The following PRDM5 variants were observed in gnomAD, a reference collection of about 807,000 sequenced individuals.
The protein encoded by PRDM5 is PR domain zinc finger protein 5.
In PRDM5, 56 loss-of-function variants were observed where a neutral mutation model predicts 81.2. The ratio of observed to expected loss-of-function variants is 0.69; its 90% confidence interval spans 0.56 to 0.86. The LOEUF is 0.86. Among genes scored for constraint, PRDM5 ranks in the 40% least tolerant of loss-of-function variants. The pLI is 0.00. For missense variants in PRDM5, 697 were observed against 770.1 expected, an observed-to-expected ratio of 0.91 and a Z score of 1.12; for synonymous variants, 267 against 256.4, an observed-to-expected ratio of 1.04 and a Z score of -0.39.
intron 14 of PRDM5, 98 bp from the exon 15 acceptor site, chr4:120,710,511 G>C (rs1736809293): frequency 3.1e-6 from 3 of 964,012 alleles, no homozygotes; most frequent in Non-Finnish European, 4.9e-6. Context: ...ACAGAATACT[G>C]CAGCAAATTT....
intron 14 of PRDM5, among the ~76,000 whole-genome samples, chr4:120,753,846 T>A (rs1445717067): frequency 6.6e-6 from 1 of 152,184 alleles, no homozygotes; most frequent in East Asian, 1.9e-4. Context: ...AAAATTTCCA[T>A]GTGGAAAGTT....
intron 2 of PRDM5, among the ~76,000 whole-genome samples, chr4:120,856,774 A>G (rs1759926286): frequency 6.6e-6 from 1 of 152,216 alleles, no homozygotes; most frequent in Non-Finnish European, 1.5e-5. Context: ...AAGGAATAAA[A>G]AAGACTGAAA....
At position 120,922,639 on chromosome 4, in the gene PRDM5, C is replaced by T; in HGVS notation, c.-31G>A. The T allele has an allele frequency of 6.3e-7, 1 of 1,583,046 alleles. No individual in the cohort carries two copies. Among genetic ancestry groups the T allele is most frequent in the African/African-American group, 1.3e-5 (1 of 74,374 alleles). ...CGGGCGCGGCGGCCGCCGCCTCTCTCAACACCGGCGCTTAGCGCCCGGCAG... is the reference window on the plus strand; with the variant it reads ...CGGGCGCGGCGGCCGCCGCCTCTCTTAACACCGGCGCTTAGCGCCCGGCAG... On this transcript the variant is annotated 5_prime_UTR_variant, in exon 1 of 16. The change abolishes the stop of an existing upstream ORF in the 5' untranslated region. Transcript: ENST00000264808.
intron 3 of PRDM5, among the ~76,000 whole-genome samples, chr4:120,834,357 A>C (rs1757096831): frequency 6.6e-6 from 1 of 152,102 alleles, no homozygotes; most frequent in African/African-American, 2.4e-5. Context: ...GTGCCCTTAT[A>C]AAATGGGCCC....
At chr4:120,895,805 T>A (rs1764551403) in intron 2 of PRDM5, 1 of 152,138 alleles carries the variant, frequency 6.6e-6, no homozygotes, top group South Asian at 2.1e-4. Flanking sequence ...ACCTCATGAG[T>A]AGCTAGGACA....
chr4:120,849,888 T>G (rs1346137627), intron 3 of PRDM5, among the ~76,000 whole-genome samples: 1 of 152,174 alleles, frequency 6.6e-6, no homozygotes, highest in Admixed American at 6.6e-5. Flanking sequence ...TTTAGAATTT[T>G]CTAGCCATAG....
chr4:120,733,382 T>C (rs1312545232), intron 14 of PRDM5, among the ~76,000 whole-genome samples: 1 of 152,116 alleles, frequency 6.6e-6, no homozygotes, highest in Non-Finnish European at 1.5e-5. Context: ...TACAGTGGGC[T>C]TCTCACCCAC....
At chr4:120,909,483 T>C (rs1310095472) in intron 1 of PRDM5, among the ~76,000 whole-genome samples, 1 of 152,176 alleles carries the variant, frequency 6.6e-6, no homozygotes, top group Non-Finnish European at 1.5e-5. Flanking sequence ...ATGAATGTGG[T>C]TCCATTTTCG....
intron 14 of PRDM5, among the ~76,000 whole-genome samples, chr4:120,736,274 GA>G (rs1398335249): frequency 2.7e-5 from 4 of 149,842 alleles, no homozygotes; most frequent in African/African-American, 9.9e-5. Context: ...TCTGTTGATG[GA>G]TACTCAGGTT....
chr4:120,715,960 G>T (rs183343416), intron 14 of PRDM5, among the ~76,000 whole-genome samples: 25 of 152,290 alleles, frequency 1.6e-4, no homozygotes, highest in Admixed American at 1.6e-3. Context: ...GACACTATCT[G>T]GGTGAGTATC....
rs754804925 is a variant in PRDM5 at position 120,907,577 on chromosome 4, T to C, written c.94-20A>G. 12 of 1,570,892 alleles carry C rather than the reference T, an allele frequency of 7.6e-6. No individual in the cohort carries two copies. Among genetic ancestry groups the C allele is most frequent in the African/African-American group, 1.4e-5 (1 of 73,922 alleles). On this transcript the variant is annotated intron_variant, in intron 1 of 15. Coordinates refer to ENST00000264808, the MANE Select transcript of PRDM5 (RefSeq NM_018699.4). ...TTCACCCTGAGTAGCAATGATTATATTGAACAAGGATTAGTACAATAAATC... is the reference window on the plus strand; with the variant it reads ...TTCACCCTGAGTAGCAATGATTATACTGAACAAGGATTAGTACAATAAATC...
chr4:120,735,749 C>T (rs1205171987), intron 14 of PRDM5, among the ~76,000 whole-genome samples: 1 of 152,096 alleles, frequency 6.6e-6, no homozygotes, highest in African/African-American at 2.4e-5. Flanking sequence ...TCTTGAGACA[C>T]TCCCTTATCT....
chr4:120,748,998 C>T (rs1373757363), intron 14 of PRDM5, among the ~76,000 whole-genome samples: 1 of 152,080 alleles, frequency 6.6e-6, no homozygotes, highest in Non-Finnish European at 1.5e-5. Flanking sequence ...GGAAATTAAT[C>T]TAGAATTAAG....
chr4:120,763,537 G>A (rs1034515154), intron 13 of PRDM5, among the ~76,000 whole-genome samples: 1 of 152,102 alleles, frequency 6.6e-6, no homozygotes, highest in Non-Finnish European at 1.5e-5. Flanking sequence ...CACTGGCCAA[G>A]TTTTCAAGGT....
At chr4:120,722,436 C>T (rs1302495531) in intron 14 of PRDM5, among the ~76,000 whole-genome samples, 1 of 151,918 alleles carries the variant, frequency 6.6e-6, no homozygotes, top group Non-Finnish European at 1.5e-5. Context: ...TGGGTGTTGC[C>T]TTCTGCTTGG....
chr4:120,917,235 T>C (rs955190933), intron 1 of PRDM5, among the ~76,000 whole-genome samples: 1 of 152,182 alleles, frequency 6.6e-6, no homozygotes, highest in African/African-American at 2.4e-5. Flanking sequence ...TCCTTTACTG[T>C]AGCTGCCTCT....
At chr4:120,737,370 C>T (rs953606468) in intron 14 of PRDM5, among the ~76,000 whole-genome samples, 27 of 152,134 alleles carry the variant, frequency 1.8e-4, no homozygotes, top group Non-Finnish European at 3.7e-4. Context: ...GAAGCACATG[C>T]AACTGAAGAA....
At position 120,818,533 on chromosome 4, in the gene PRDM5, C is replaced by T. The variant is rs1287850281; in HGVS notation, c.476-6G>A. ...CTCTTTACAGCCAAGGCGATCTGCA[C>T]ATTCACAAGGAAACATATTCATGAG... On this transcript the variant is annotated splice_polypyrimidine_tract_variant and splice_region_variant and intron_variant, in intron 4 of 15. Coordinates refer to ENST00000264808, the MANE Select transcript of PRDM5 (RefSeq NM_018699.4). 1 of 1,610,800 alleles carries T rather than the reference C, an allele frequency of 6.2e-7. No homozygotes were observed. Among genetic ancestry groups the T allele is most frequent in the Non-Finnish European group, 8.5e-7 (1 of 1,177,100 alleles).
At chr4:120,773,637 C>T (rs1056204959) in intron 13 of PRDM5, among the ~76,000 whole-genome samples, 1 of 152,172 alleles carries the variant, frequency 6.6e-6, no homozygotes, top group African/African-American at 2.4e-5. Context: ...TTAGGTTCCA[C>T]ACAACAATAA....
Sources: allele counts gnomAD v4.1 joint callset (sites outside exome capture counted in the v4.1 genomes callset), GRCh38; gene constraint gnomAD v4.1.1; transcripts MANE v1.5; gene names NCBI Gene and HGNC (gene_info 2026-07-23, HGNC 2026-07-21).